The following MGAT5 variants were observed in gnomAD, a reference collection of about 807,000 sequenced individuals.
MGAT5 encodes the protein alpha-1,6-mannosylglycoprotein 6-beta-N-acetylglucosaminyltransferase.
A neutral mutation model predicts 94.3 loss-of-function variants in MGAT5; 30 were observed. That is an observed-to-expected ratio of 0.32 (90% CI 0.24 to 0.43). MGAT5 has a LOEUF of 0.43. Among genes scored for constraint, MGAT5 ranks in the 20% least tolerant of loss-of-function variants. The probability of loss-of-function intolerance (pLI) is 1.00; values close to 1 mark genes in which losing one functional copy is unlikely to be tolerated. For missense variants in MGAT5, 691 were observed against 905.5 expected, an observed-to-expected ratio of 0.76 and a Z score of 3.04; for synonymous variants, 310 against 322.9, an observed-to-expected ratio of 0.96 and a Z score of 0.43.
At chr2:134,364,279 C>T (rs888154041) in intron 10 of MGAT5, among the ~76,000 whole-genome samples, 1 of 152,182 alleles carries the variant, frequency 6.6e-6, no homozygotes, top group Non-Finnish European at 1.5e-5. Flanking sequence ...GCGGGTGGAT[C>T]ACCTGAGGTC....
chr2:134,255,157 G>A (rs1453904151), intron 1 of MGAT5, among the ~76,000 whole-genome samples: 1 of 152,064 alleles, frequency 6.6e-6, no homozygotes, highest in Non-Finnish European at 1.5e-5. Flanking sequence ...GGCTTCTTGA[G>A]GTTATGTTGC....
chr2:134,188,297 G>A (rs4954117), intron 1 of MGAT5, among the ~76,000 whole-genome samples: 22,935 of 152,258 alleles, frequency 0.15, 1,943 homozygotes, highest in Admixed American at 0.21. Context: ...ATAAGGCACA[G>A]CTTTTCCTGT....
chr2:134,201,596 A>G (rs1047802133), intron 1 of MGAT5, among the ~76,000 whole-genome samples: 2 of 152,066 alleles, frequency 1.3e-5, no homozygotes, highest in African/African-American at 4.8e-5. Context: ...AACAATTTTT[A>G]TGATTTGTCT....
At chr2:134,430,187 T>C (rs1574083364) in intron 14 of MGAT5, among the ~76,000 whole-genome samples, 1 of 152,376 alleles carries the variant, frequency 6.6e-6, no homozygotes, top group Middle Eastern at 3.4e-3. Flanking sequence ...CTAAGATCCC[T>C]GCAGCTGCTG....
chr2:134,305,882 G>A (rs10928487), intron 2 of MGAT5, among the ~76,000 whole-genome samples: 4,074 of 152,136 alleles, frequency 0.027, 173 homozygotes, highest in East Asian at 0.1. Context: ...CCCCCAACTC[G>A]AGAATATAAT....
At chr2:134,288,650 G>A (rs1685158685) in intron 2 of MGAT5, among the ~76,000 whole-genome samples, 2 of 152,194 alleles carry the variant, frequency 1.3e-5, no homozygotes, top group African/African-American at 2.4e-5. Flanking sequence ...AAGCATGAAT[G>A]TCATGCCTTT....
chr2:134,147,203 G>A (rs1174859054), intron 1 of MGAT5, among the ~76,000 whole-genome samples: 1 of 152,184 alleles, frequency 6.6e-6, no homozygotes, highest in Admixed American at 6.5e-5. Flanking sequence ...CAGCATGGAT[G>A]TGAGCATTAG....
At chr2:134,258,924 T>A (rs2105545255) in intron 1 of MGAT5, among the ~76,000 whole-genome samples, 1 of 152,320 alleles carries the variant, frequency 6.6e-6, no homozygotes, top group East Asian at 1.9e-4. Flanking sequence ...TGCCTGACAT[T>A]GTGTGCTTGT....
Position 134,198,325 on chromosome 2 carries a change from G to C in MGAT5, c.-142-55937G>C, listed in dbSNP as rs117765238. On this transcript the variant is annotated intron_variant, in intron 1 of 16. Transcript: ENST00000409645. ...TGCACTTTCCTTGCTGTCAAGCTCT[G>C]TGTAGCTCTGAAGATCACCAGCATT... Among the ~76,000 whole-genome samples, 1,489 of 152,302 alleles carry C rather than the reference G, an allele frequency of 9.8e-3. 13 individuals are homozygous for C. Among genetic ancestry groups the C allele is most frequent in the South Asian group, 0.026 (127 of 4,828 alleles).
chr2:134,391,357 G>A (rs1682395203), intron 10 of MGAT5, among the ~76,000 whole-genome samples: 1 of 152,222 alleles, frequency 6.6e-6, no homozygotes, highest in Non-Finnish European at 1.5e-5. Context: ...GGAAACTACA[G>A]TTAGTTAGCC....
chr2:134,164,660 T>C (rs140861614), intron 1 of MGAT5, among the ~76,000 whole-genome samples: 1 of 152,140 alleles, frequency 6.6e-6, no homozygotes, highest in Non-Finnish European at 1.5e-5. Context: ...TAGTTAGTAT[T>C]CTATATTAAT....
At chr2:134,409,103 C>T (rs183127479) in intron 11 of MGAT5, among the ~76,000 whole-genome samples, 2 of 152,254 alleles carry the variant, frequency 1.3e-5, no homozygotes, top group African/African-American at 2.4e-5. Context: ...CTCCTGCACA[C>T]GTAAACTCCG....
At chr2:134,187,876 T>A (rs1319401174) in intron 1 of MGAT5, among the ~76,000 whole-genome samples, 1 of 152,062 alleles carries the variant, frequency 6.6e-6, no homozygotes, top group East Asian at 1.9e-4. Flanking sequence ...TTAATAAAAA[T>A]GAAGAAGTAT....
At chr2:134,264,297 C>T (rs1683552544) in intron 1 of MGAT5, among the ~76,000 whole-genome samples, 1 of 152,172 alleles carries the variant, frequency 6.6e-6, no homozygotes, top group Non-Finnish European at 1.5e-5. Flanking sequence ...GCTGGGATTA[C>T]AGGCATGAGC....
intron 8 of MGAT5, among the ~76,000 whole-genome samples, chr2:134,347,324 G>A (rs1044903938): frequency 6.6e-6 from 1 of 152,128 alleles, no homozygotes; most frequent in Non-Finnish European, 1.5e-5. Flanking sequence ...AGAGACATCC[G>A]ATCATTCCAT....
At chr2:134,120,213 G>T in exon 1 of MGAT5, 1 of 327,512 alleles carries the variant, frequency 3.1e-6, no homozygotes, top group Non-Finnish European at 5.5e-6. Flanking sequence ...GGCTCGGGGC[G>T]TCGCGACCTC....
In MGAT5 at chr2:134,174,069, T is replaced by TTA. The variant is rs1298182058; in HGVS notation, c.-143+53779_-143+53780dup. Among the ~76,000 whole-genome samples, 26 of 152,340 alleles carry TTA rather than the reference T, an allele frequency of 1.7e-4. 1 individual carries two copies. Among genetic ancestry groups the TTA allele is most frequent in the African/African-American group, 5.8e-4 (24 of 41,582 alleles). ...AGTCAGTTTAGACTGGGGAAGAGCATTAGCTTCTAAGCCCAAATGAGCCTT... is the reference window on the plus strand; with the variant it reads ...AGTCAGTTTAGACTGGGGAAGAGCATTATAGCTTCTAAGCCCAAATGAGCCTT... On this transcript the variant is annotated intron_variant, in intron 1 of 16. Transcript: ENST00000409645.
chr2:134,330,501 T>G (rs186966745), intron 4 of MGAT5, among the ~76,000 whole-genome samples: 4 of 152,060 alleles, frequency 2.6e-5, no homozygotes, highest in Admixed American at 1.3e-4. Context: ...TCATCCCATG[T>G]AACATGTTGC....
intron 8 of MGAT5, among the ~76,000 whole-genome samples, chr2:134,347,009 C>T (rs984546883): frequency 3.3e-5 from 5 of 152,138 alleles, no homozygotes; most frequent in East Asian, 3.8e-4. Context: ...ATCGCTGTTA[C>T]GGGAAGGCGA....
Sources: gnomAD v4.1 joint callset for allele counts (sites outside exome capture counted in the v4.1 genomes callset) on GRCh38, gnomAD v4.1.1 for gene constraint, MANE v1.5 for transcripts, NCBI Gene and HGNC (gene_info 2026-07-23, HGNC 2026-07-21) for gene names.